The following ZKSCAN3 variants were observed in gnomAD, a reference collection of about 807,000 sequenced individuals.
ZKSCAN3 encodes the protein zinc finger with KRAB and SCAN domains 3.
A neutral mutation model predicts 30.7 loss-of-function variants in ZKSCAN3; 21 were observed. That is an observed-to-expected ratio of 0.68 (90% CI 0.49 to 0.99). The LOEUF is 0.99. Ranked by LOEUF, ZKSCAN3 falls within the 50% of genes least tolerant of loss-of-function variation. The probability of loss-of-function intolerance (pLI) is 0.00; values close to 1 mark genes in which losing one functional copy is unlikely to be tolerated. For synonymous variants in ZKSCAN3, 201 were observed against 246.7 expected, an observed-to-expected ratio of 0.81 and a Z score of 1.73; for missense variants, 507 against 647.1, an observed-to-expected ratio of 0.78 and a Z score of 2.35.
chr6:28,365,277 T>A, intron 5 of ZKSCAN3, 149 bp from the exon 6 acceptor site: 1 of 1,171,098 alleles, frequency 8.5e-7, no homozygotes, highest in Non-Finnish European at 1.2e-6. Context: ...AGCACTCCTG[T>A]TCTCCCCTTT....
rs778775387 is a variant in ZKSCAN3, at chr6:28,359,882, C to T, written c.296C>T (p.Pro99Leu). The T allele has an allele frequency of 7.4e-6, 12 of 1,613,908 alleles. No individual in the cohort carries two copies. Among genetic ancestry groups the T allele is most frequent in the East Asian group, 2.2e-5 (1 of 44,890 alleles). Residue 99 changes from proline to leucine, a missense_variant, in exon 2 of 6, where the codon CCG (proline) becomes CTG (leucine). By Grantham distance (98) the Pro-to-Leu change is moderately conservative. Coordinates refer to ENST00000252211, the MANE Select transcript of ZKSCAN3 (RefSeq NM_024493.4). ...CTGGAGCAGTTCCTGACCATCCTGC[C>T]GGGGAATCTGCAGAGCTGGGTGCGG... ...LVLEQFLTIL[P>L]GNLQSWVREQ...
At chr6:28,363,036 G>A (rs539140294) in intron 3 of ZKSCAN3, among the ~76,000 whole-genome samples, 9 of 152,162 alleles carry the variant, frequency 5.9e-5, no homozygotes, top group African/African-American at 9.7e-5. Flanking sequence ...CCATAGGATT[G>A]GAGCTGGTAG....
In ZKSCAN3 at chr6:28,365,613, C is replaced by CT. The variant is rs1258233185; in HGVS notation, c.946dup (p.Cys316LeufsTer3). The CT allele has an allele frequency of 6.2e-7, 1 of 1,614,246 alleles. No homozygotes were observed. The highest frequency in any genetic ancestry group is 8.5e-7 in the Non-Finnish European group (1 of 1,180,054). On this transcript the variant is annotated frameshift_variant, in exon 6 of 6. Transcript: ENST00000252211. LOFTEE classifies it high-confidence loss of function. ...ATGCCACAGGAGGGAGGCGGCACAT[C>CT]TGCCATGAATGTGGAAAGAGTTTTG... is the stretch of plus-strand genomic sequence containing the variant.
At chr6:28,361,297 A>G in intron 2 of ZKSCAN3, 27 bp from the exon 3 acceptor site, 1 of 1,608,254 alleles carries the variant, frequency 6.2e-7, no homozygotes, top group Non-Finnish European at 8.5e-7. Flanking sequence ...TGATGAAAAC[A>G]TGAAAATAAG....
At chr6:28,358,253 T>A (rs571658192) in intron 1 of ZKSCAN3, among the ~76,000 whole-genome samples, 4 of 152,318 alleles carry the variant, frequency 2.6e-5, no homozygotes, top group Admixed American at 2.6e-4. Context: ...GGCACAATCA[T>A]AGCTTACTGC....
chr6:28,366,137 C>T lies in ZKSCAN3; in HGVS notation c.1469C>T (p.Thr490Ile), dbSNP rs1765955103. 1 of 1,611,974 alleles carries T rather than the reference C, an allele frequency of 6.2e-7. No individual in the cohort carries two copies. Among genetic ancestry groups the T allele is most frequent in the Non-Finnish European group, 8.5e-7 (1 of 1,179,296 alleles). Residue 490 changes from threonine (T) to isoleucine (I), a missense_variant, in exon 6 of 6, where the codon ACT (threonine) becomes ATT (isoleucine). Physicochemically the swap from Thr to Ile is moderately conservative, Grantham distance 89. Transcript: ENST00000252211. ...TGTAATGAGTGTGAAAGAAGTTTCA[C>T]TCAGAATACAGGCCTCATTGAACAT... is the stretch of plus-strand genomic sequence containing the variant. ...YKCNECERSF[T>I]QNTGLIEHQK...
rs762682252 is a variant in ZKSCAN3 at position 28,359,720 on chromosome 6, CCCGCGAGCGCTT to C, written c.138_149del (p.Glu47_Arg50del). On this transcript the variant is annotated inframe_deletion, in exon 2 of 6. Coordinates refer to ENST00000252211, the MANE Select transcript of ZKSCAN3 (RefSeq NM_024493.4). ...AGCCCAGATCTGGGTTCTGAGGGCT[CCCGCGAGCGCTT>C]CCGAGGCTTCCGCTACCCGGAGGCT... 41 of 1,614,078 alleles carry C rather than the reference CCCGCGAGCGCTT, an allele frequency of 2.5e-5. 1 individual carries two copies. In the South Asian group the frequency reaches 4.2e-4, roughly 16 times the overall value.
chr6:28,352,347 G>A (rs1357984686), intron 1 of ZKSCAN3, among the ~76,000 whole-genome samples: 8 of 152,038 alleles, frequency 5.3e-5, no homozygotes, highest in African/African-American at 1.9e-4. Flanking sequence ...CCATCTCCCA[G>A]GCTCAAGTGA....
intron 1 of ZKSCAN3, among the ~76,000 whole-genome samples, chr6:28,357,496 A>G (rs1382971084): frequency 2.0e-5 from 3 of 152,212 alleles, no homozygotes; most frequent in African/African-American, 7.2e-5. Flanking sequence ...TGAAGTAAGG[A>G]CAAGTGAGTT....
At position 28,353,971 on chromosome 6, in the gene ZKSCAN3, T is replaced by C. The variant is rs552617709; in HGVS notation, c.-63+3904T>C. 411 of 454,718 alleles carry C rather than the reference T, an allele frequency of 9.0e-4. 3 individuals are homozygous for C. Among genetic ancestry groups the C allele is most frequent in the African/African-American group, 7.3e-3 (365 of 50,108 alleles). The allele number at this position is 454,718 out of a possible 1,614,324, so 28.2% of individuals were successfully genotyped here. ...CTCGGGGCTGTAGGCAGGTAAAATATGATTTTATTCAGCAGCAGCTGCTGC... is the reference window on the plus strand; with the variant it reads ...CTCGGGGCTGTAGGCAGGTAAAATACGATTTTATTCAGCAGCAGCTGCTGC... On this transcript the variant is annotated intron_variant, in intron 1 of 5. Coordinates refer to ENST00000252211, the MANE Select transcript of ZKSCAN3 (RefSeq NM_024493.4).
chr6:28,367,390 ATCC>A lies in ZKSCAN3; in HGVS notation c.*1110_*1112del, dbSNP rs1766009353. 1 of 147,406 alleles carries A rather than the reference ATCC, an allele frequency of 6.8e-6. No homozygotes were observed. Among genetic ancestry groups the A allele is most frequent in the Non-Finnish European group, 1.5e-5 (1 of 67,342 alleles). The allele number at this position is 147,406 out of a possible 1,614,324, so 9.1% of individuals were successfully genotyped here. A position where few individuals can be genotyped will look rare whatever the true frequency, so the allele number is the denominator to read the frequency against. Reference sequence around the variant, plus strand: ...CAGGCTGGTCTCGAAATCCTGGGCAATCCTCCTGCCTCACCCTCTCAAGTACTG... The same window carrying A: ...CAGGCTGGTCTCGAAATCCTGGGCAATCCTGCCTCACCCTCTCAAGTACTG... On this transcript the variant is annotated 3_prime_UTR_variant, in exon 6 of 6. Transcript: ENST00000252211.
chr6:28,364,721 T>G (rs1011093723), intron 5 of ZKSCAN3, among the ~76,000 whole-genome samples: 1 of 152,138 alleles, frequency 6.6e-6, no homozygotes, highest in African/African-American at 2.4e-5. Flanking sequence ...TTTCGCTGTT[T>G]CGTTTATTTA....
At chr6:28,359,054 A>G (rs1422637793) in intron 1 of ZKSCAN3, among the ~76,000 whole-genome samples, 2 of 152,082 alleles carry the variant, frequency 1.3e-5, no homozygotes, top group African/African-American at 4.8e-5. Context: ...CTCTGAGAGG[A>G]ATCTACTTAT....
intron 1 of ZKSCAN3, chr6:28,353,961 A>T (rs1328867726): frequency 1.1e-5 from 5 of 454,756 alleles, no homozygotes; most frequent in Non-Finnish European, 1.3e-5. Context: ...GGCTGTAGGC[A>T]GGTAAAATAT....
In ZKSCAN3 at chr6:28,363,693, G is replaced by A. The variant is rs752359473; in HGVS notation, c.635G>A (p.Gly212Glu). Residue 212 changes from glycine to glutamate, a missense_variant and splice_region_variant, in exon 5 of 6, where the codon GGG becomes GAG. Transcript: ENST00000252211. The part of the protein sequence containing the change: ...VASRLTPESQ[G>E]LLKVEDVALT... ...CAATGGGATTACCTATTGTTTTAGG[G>A]GTTGTTGAAAGTGGAAGATGTGGCC... The A allele has an allele frequency of 6.2e-6, 10 of 1,613,870 alleles. No homozygotes were observed. In the East Asian group the frequency reaches 8.9e-5, roughly 14 times the overall value.
chr6:28,366,334 GCCACTC>G lies in ZKSCAN3; in HGVS notation c.*52_*57del, dbSNP rs779706443. The G allele has an allele frequency of 6.7e-7, 1 of 1,489,828 alleles. No homozygotes were observed. Among genetic ancestry groups the G allele is most frequent in the South Asian group, 1.5e-5 (1 of 66,832 alleles). 92.3% of individuals were successfully genotyped at this position (1,489,828 alleles called of 1,614,324 possible). ...GGTGCTCATTTGTCACTGATCTGAA[GCCACTC>G]CCCCTGGAGTCTCAACTATAGAAAT... On this transcript the variant is annotated 3_prime_UTR_variant, in exon 6 of 6. Coordinates refer to ENST00000252211, the MANE Select transcript of ZKSCAN3 (RefSeq NM_024493.4).
Position 28,365,902 on chromosome 6 carries a change from A to G in ZKSCAN3, c.1234A>G (p.Ser412Gly). 1.2e-5 allele frequency: 20 copies of G among 1,613,138 alleles called. No individual in the cohort carries two copies. Among genetic ancestry groups the G allele is most frequent in the Non-Finnish European group, 1.6e-5 (19 of 1,179,514 alleles). The change falls in exon 6 of 6, where the codon AGC becomes GGC. Residue 412 changes from serine (S) to glycine (G), a missense_variant. By Grantham distance (56) the Ser-to-Gly change is moderately conservative (BLOSUM62 0). Coordinates refer to ENST00000252211, the MANE Select transcript of ZKSCAN3 (RefSeq NM_024493.4). ...TGGGAAGACCTTCAGCCAGAGCTGC[A>G]GCCTCCTTGAACATCACAGAATCCA... is the stretch of plus-strand genomic sequence containing the variant. ...DCGKTFSQSC[S>G]LLEHHRIHTG...
chr6:28,357,141 A>G (rs1765483800), intron 1 of ZKSCAN3, among the ~76,000 whole-genome samples: 1 of 152,218 alleles, frequency 6.6e-6, no homozygotes, highest in Non-Finnish European at 1.5e-5. Flanking sequence ...CATAACTGTG[A>G]TTATATAATG....
chr6:28,355,878 G>A (rs1765387418), intron 1 of ZKSCAN3, among the ~76,000 whole-genome samples: 1 of 152,200 alleles, frequency 6.6e-6, no homozygotes, highest in Admixed American at 6.5e-5. Context: ...TCCCAGTTCT[G>A]TTGTCAAGTG....
Sources: allele counts gnomAD v4.1 joint callset (sites outside exome capture counted in the v4.1 genomes callset), GRCh38; gene constraint gnomAD v4.1.1; transcripts MANE v1.5; gene names NCBI Gene and HGNC (gene_info 2026-07-23, HGNC 2026-07-21).